RAB31: variants seen among roughly 807,000 people sequenced by gnomAD.
RAB31 encodes ras-related protein Rab-31.
Under a neutral mutation model 25.6 loss-of-function variants are expected in RAB31, and 21 were observed. That is an observed-to-expected ratio of 0.82 (90% CI 0.58 to 1.18). The LOEUF (loss-of-function observed/expected upper bound fraction) is 1.18, where lower values mean the gene tolerates loss of function less well. Ranked by LOEUF, RAB31 falls within the 50% of genes most tolerant of loss-of-function variation. RAB31 has a pLI of 0.00. For synonymous variants in RAB31, 87 were observed against 84.0 expected, an observed-to-expected ratio of 1.04 and a Z score of -0.20; for missense variants, 196 against 250.1, an observed-to-expected ratio of 0.78 and a Z score of 1.46.
intron 5 of RAB31, among the ~76,000 whole-genome samples, chr18:9,820,035 T>C (rs975247174): frequency 6.6e-6 from 1 of 152,094 alleles, no homozygotes; most frequent in Non-Finnish European, 1.5e-5. Flanking sequence ...CTTTCCAATA[T>C]GGGTGCCTTT....
At chr18:9,844,139 C>T (rs1047153588) in intron 5 of RAB31, among the ~76,000 whole-genome samples, 3 of 152,164 alleles carry the variant, frequency 2.0e-5, no homozygotes, top group South Asian at 2.1e-4. Context: ...CACCTCCATC[C>T]ATTCTATGCA....
chr18:9,789,884 A>G (rs192035035), intron 2 of RAB31, among the ~76,000 whole-genome samples: 245 of 152,316 alleles, frequency 1.6e-3, no homozygotes, highest in Non-Finnish European at 2.1e-3. Flanking sequence ...TAGGTTGGTA[A>G]TTAGAACTCT....
At chr18:9,782,640 C>G (rs758060870) in intron 2 of RAB31, among the ~76,000 whole-genome samples, 2 of 151,664 alleles carry the variant, frequency 1.3e-5, no homozygotes, top group African/African-American at 4.9e-5. Flanking sequence ...AGGGCCAGTG[C>G]GCCTCCTCCA....
chr18:9,777,041 A>T (rs2068375528), intron 2 of RAB31, among the ~76,000 whole-genome samples: 2 of 152,092 alleles, frequency 1.3e-5, no homozygotes, highest in Admixed American at 6.5e-5. Context: ...TTATTGCAAA[A>T]TTTAAAAAAA....
At chr18:9,843,132 G>T (rs1382762350) in intron 5 of RAB31, among the ~76,000 whole-genome samples, 1 of 152,172 alleles carries the variant, frequency 6.6e-6, no homozygotes, top group Non-Finnish European at 1.5e-5. Context: ...GGGCCCAGAG[G>T]CATCCTTGCT....
chr18:9,747,793 A>G (rs1164740433), intron 1 of RAB31, among the ~76,000 whole-genome samples: 1 of 152,212 alleles, frequency 6.6e-6, no homozygotes, highest in Non-Finnish European at 1.5e-5. Flanking sequence ...GGCGGTTGCC[A>G]CCATTGTGGA....
intron 6 of RAB31, among the ~76,000 whole-genome samples, chr18:9,848,810 G>A (rs2068774602): frequency 6.6e-6 from 1 of 152,206 alleles, no homozygotes; most frequent in Admixed American, 6.5e-5. Context: ...ATGAAGAGAT[G>A]AATGTTTCTC....
intron 6 of RAB31, among the ~76,000 whole-genome samples, chr18:9,850,263 G>A (rs2068782565): frequency 5.9e-5 from 9 of 152,142 alleles, no homozygotes; most frequent in Admixed American, 5.2e-4. Context: ...GGATTGTGGT[G>A]AACCCAAGTT....
Position 9,771,543 on chromosome 18 carries a change from G to A in RAB31, c.40-3735G>A, listed in dbSNP as rs190237956. Among the ~76,000 whole-genome samples the A allele has an allele frequency of 9.9e-5, 15 of 152,254 alleles. No individual in the cohort carries two copies. In the East Asian group the frequency reaches 2.5e-3, roughly 26 times the overall value. Reference sequence around the variant, plus strand: ...ACATGCGACAGCCACTATTACCCTGGCACTTTCCTTGTGTGTGTGTCACAG... The same window carrying A: ...ACATGCGACAGCCACTATTACCCTGACACTTTCCTTGTGTGTGTGTCACAG... On this transcript the variant is annotated intron_variant, in intron 1 of 6. Coordinates refer to ENST00000578921, the MANE Select transcript of RAB31 (RefSeq NM_006868.4).
chr18:9,837,258 A>G (rs143454951), intron 5 of RAB31, among the ~76,000 whole-genome samples: 33 of 152,358 alleles, frequency 2.2e-4, no homozygotes, highest in African/African-American at 7.5e-4. Flanking sequence ...AATCTGTGCA[A>G]AAAAGAGGTA....
chr18:9,845,509 G>C lies in RAB31; in HGVS notation c.381-73G>C, dbSNP rs1462283250. On this transcript the variant is annotated intron_variant, in intron 5 of 6. Coordinates refer to ENST00000578921, the MANE Select transcript of RAB31 (RefSeq NM_006868.4). ...TAAAGGAGCTGTTGCCGCACAAGCTGTCTGGTCTTTTGGGTGATTTGTATT... is the reference window on the plus strand; with the variant it reads ...TAAAGGAGCTGTTGCCGCACAAGCTCTCTGGTCTTTTGGGTGATTTGTATT... 2.2e-5 allele frequency: 30 copies of C among 1,333,824 alleles called. No homozygotes were observed. In the East Asian group the frequency reaches 5.9e-4, roughly 26 times the overall value. The allele number at this position is 1,333,824 out of a possible 1,614,324, so 82.6% of individuals were successfully genotyped here.
intron 5 of RAB31, among the ~76,000 whole-genome samples, chr18:9,825,603 C>T (rs907680117): frequency 2.0e-5 from 3 of 152,136 alleles, no homozygotes; most frequent in African/African-American, 7.2e-5. Flanking sequence ...GATCCTTTTA[C>T]AAGTGGTCCA....
chr18:9,834,708 CCTT>C (rs1262784965), intron 5 of RAB31, among the ~76,000 whole-genome samples: 1 of 152,168 alleles, frequency 6.6e-6, no homozygotes, highest in Non-Finnish European at 1.5e-5. Context: ...CCTATTCTAA[CCTT>C]CTTTGGCGGT....
intron 1 of RAB31, among the ~76,000 whole-genome samples, chr18:9,720,529 C>A (rs113312760): frequency 2.0e-5 from 3 of 151,778 alleles, no homozygotes; most frequent in African/African-American, 7.3e-5. Flanking sequence ...AGGTGAGGTG[C>A]GGAGGGGGCG....
At chr18:9,753,293 T>C (rs924173966) in intron 1 of RAB31, among the ~76,000 whole-genome samples, 6 of 152,160 alleles carry the variant, frequency 3.9e-5, no homozygotes, top group African/African-American at 1.4e-4. Context: ...CTGTCATGAA[T>C]GGGTTAATCC....
chr18:9,719,445 C>T (rs868395934), intron 1 of RAB31, among the ~76,000 whole-genome samples: 1 of 149,048 alleles, frequency 6.7e-6, no homozygotes, highest in Non-Finnish European at 1.5e-5. Context: ...GGCTTTAATC[C>T]CATTTTTTAA....
intron 3 of RAB31, among the ~76,000 whole-genome samples, chr18:9,811,395 G>A (rs1250866376): frequency 1.3e-5 from 2 of 152,192 alleles, no homozygotes; most frequent in Non-Finnish European, 2.9e-5. Flanking sequence ...GAAACCTGGG[G>A]ACTCAGATTT....
chr18:9,859,339 G>A lies in RAB31; in HGVS notation c.*14G>A. On this transcript the variant is annotated 3_prime_UTR_variant, in exon 7 of 7. Transcript: ENST00000578921. ...CGGTGCTGTTGACCCAAGGGCCGTGGTCCACGGTACTTGAAGAAGCCAGAG... is the reference window on the plus strand; with the variant it reads ...CGGTGCTGTTGACCCAAGGGCCGTGATCCACGGTACTTGAAGAAGCCAGAG... The A allele has an allele frequency of 6.3e-7, 1 of 1,598,846 alleles. No homozygotes were observed. Among genetic ancestry groups the A allele is most frequent in the African/African-American group, 1.3e-5 (1 of 74,622 alleles).
At chr18:9,813,624 G>A (rs1413237058) in intron 3 of RAB31, among the ~76,000 whole-genome samples, 2 of 152,170 alleles carry the variant, frequency 1.3e-5, no homozygotes, top group Admixed American at 1.3e-4. Flanking sequence ...GGCTGAGGCA[G>A]GTGGACCACC....
Sources: allele counts gnomAD v4.1 joint callset (sites outside exome capture counted in the v4.1 genomes callset), GRCh38; gene constraint gnomAD v4.1.1; transcripts MANE v1.5; gene names NCBI Gene and HGNC (gene_info 2026-07-23, HGNC 2026-07-21).